CNTN1: variants seen among roughly 807,000 people sequenced by gnomAD.
The protein encoded by CNTN1 is contactin-1.
In CNTN1, 38 loss-of-function variants were observed where a neutral mutation model predicts 126.4. The observed-to-expected ratio is 0.30, with a 90% CI of 0.23 to 0.39. CNTN1 has a LOEUF of 0.39. Ranked by LOEUF, CNTN1 falls within the 10% of genes least tolerant of loss-of-function variation. The pLI, the probability that CNTN1 is intolerant of heterozygous loss-of-function variation, is 1.00. For missense variants in CNTN1, 1,009 were observed against 1,248.4 expected, an observed-to-expected ratio of 0.81 and a Z score of 2.89; for synonymous variants, 413 against 422.6, an observed-to-expected ratio of 0.98 and a Z score of 0.28.
intron 23 of CNTN1, among the ~76,000 whole-genome samples, chr12:41,034,952 G>T (rs1457314437): frequency 1.3e-5 from 2 of 152,182 alleles, no homozygotes; most frequent in African/African-American, 4.8e-5. Context: ...TCCAGCAGTT[G>T]TTGGACAACT....
intron 3 of CNTN1, among the ~76,000 whole-genome samples, chr12:40,916,054 C>T (rs573519415): frequency 3.9e-5 from 6 of 152,184 alleles, no homozygotes; most frequent in Admixed American, 2.0e-4. Flanking sequence ...TATCGAAGTA[C>T]TTAGAAGATC....
At chr12:41,055,483 A>G (rs1339688023) in intron 23 of CNTN1, among the ~76,000 whole-genome samples, 1 of 151,846 alleles carries the variant, frequency 6.6e-6, no homozygotes, top group Non-Finnish European at 1.5e-5. Flanking sequence ...CTCCCCTCAT[A>G]TCTTTGGCAT....
chr12:40,971,838 G>T, intron 15 of CNTN1: 1 of 1,129,682 alleles, frequency 8.9e-7, no homozygotes, highest in Middle Eastern at 4.0e-4. Flanking sequence ...TCTGAAAAAC[G>T]TATGAAGAAC....
chr12:40,740,497 A>T (rs1937893308), intron 1 of CNTN1, among the ~76,000 whole-genome samples: 1 of 152,158 alleles, frequency 6.6e-6, no homozygotes, highest in African/African-American at 2.4e-5. Context: ...TACATAAAAT[A>T]GTTTAATGCC....
At chr12:40,871,542 T>C (rs2136671335) in intron 1 of CNTN1, among the ~76,000 whole-genome samples, 1 of 152,242 alleles carries the variant, frequency 6.6e-6, no homozygotes, top group South Asian at 2.1e-4. Context: ...TGGATATCAA[T>C]GGAGAGAAGA....
At chr12:40,898,086 T>G (rs1944476270) in intron 1 of CNTN1, among the ~76,000 whole-genome samples, 1 of 152,198 alleles carries the variant, frequency 6.6e-6, no homozygotes, top group Admixed American at 6.5e-5. Context: ...GAACAATAAT[T>G]TGTTTTTAGT....
At chr12:40,945,265 AC>A (rs1430127631) in intron 14 of CNTN1, among the ~76,000 whole-genome samples, 1 of 152,104 alleles carries the variant, frequency 6.6e-6, no homozygotes, top group Admixed American at 6.6e-5. Context: ...TAGATCTGAA[AC>A]TATTTTGCAC....
chr12:40,744,350 G>T (rs1165734928), intron 1 of CNTN1, among the ~76,000 whole-genome samples: 2 of 151,924 alleles, frequency 1.3e-5, no homozygotes, highest in Non-Finnish European at 2.9e-5. Flanking sequence ...ATGAATGCAT[G>T]AAGGGAATGA....
chr12:40,725,653 A>G (rs1942333129), intron 1 of CNTN1, among the ~76,000 whole-genome samples: 1 of 152,126 alleles, frequency 6.6e-6, no homozygotes, highest in Non-Finnish European at 1.5e-5. Flanking sequence ...AATTTCAACA[A>G]GTGCCAATTA....
At chr12:40,978,496 A>G (rs1241766504) in intron 15 of CNTN1, among the ~76,000 whole-genome samples, 1 of 152,152 alleles carries the variant, frequency 6.6e-6, no homozygotes, top group Non-Finnish European at 1.5e-5. Context: ...GATGACAATT[A>G]TGTTTACAGA....
intron 1 of CNTN1, among the ~76,000 whole-genome samples, chr12:40,873,834 A>T (rs1447699166): frequency 6.6e-6 from 1 of 151,900 alleles, no homozygotes; most frequent in Non-Finnish European, 1.5e-5. Flanking sequence ...ATGGTTCCTC[A>T]TTGCCCCCAA....
At chr12:40,779,238 A>C (rs1284749357) in intron 1 of CNTN1, among the ~76,000 whole-genome samples, 2 of 151,816 alleles carry the variant, frequency 1.3e-5, no homozygotes, top group Admixed American at 1.3e-4. Context: ...ATTTACTCAG[A>C]ATATTCTTCA....
Position 40,937,635 on chromosome 12 carries a change from A to G in CNTN1, c.1176A>G (p.Ile392Met). ...AAAATGCCGGAATGTATCAGTGCAT[A>G]GCTGAAAACACATATGGAGCCATTT... is the stretch of plus-strand genomic sequence containing the variant. Reference protein sequence around the residue: ...TFENAGMYQCIAENTYGAIYA... With the variant: ...TFENAGMYQCMAENTYGAIYA... Residue 392 changes from isoleucine (I) to methionine (M), a missense_variant, in exon 11 of 24, where the codon ATA (isoleucine) becomes ATG (methionine). Coordinates refer to ENST00000551295, the MANE Select transcript of CNTN1 (RefSeq NM_001843.4). The G allele has an allele frequency of 6.2e-7, 1 of 1,613,260 alleles. No homozygotes were observed.
At chr12:40,764,645 G>T (rs10748154) in intron 1 of CNTN1, among the ~76,000 whole-genome samples, 105,154 of 152,078 alleles carry the variant, frequency 0.69, 37,481 homozygotes, top group East Asian at 0.83. Context: ...AAAAGCAATG[G>T]TCTGAGAAAA....
intron 1 of CNTN1, among the ~76,000 whole-genome samples, chr12:40,903,166 T>C (rs891182978): frequency 8.5e-5 from 13 of 152,076 alleles, no homozygotes; most frequent in Non-Finnish European, 1.6e-4. Context: ...CATGAGGTTG[T>C]GAGATGCAGC....
At chr12:41,008,998 G>A (rs960777712) in intron 17 of CNTN1, among the ~76,000 whole-genome samples, 12 of 152,214 alleles carry the variant, frequency 7.9e-5, no homozygotes, top group Non-Finnish European at 1.3e-4. Flanking sequence ...TGGAGTGAGA[G>A]ACACACTTTC....
At chr12:40,710,465 C>T (rs1421784827) in intron 1 of CNTN1, among the ~76,000 whole-genome samples, 1 of 152,026 alleles carries the variant, frequency 6.6e-6, no homozygotes, top group Admixed American at 6.6e-5. Context: ...AATTACCAAA[C>T]GATGACACAG....
intron 1 of CNTN1, among the ~76,000 whole-genome samples, chr12:40,894,725 T>G (rs1285080615): frequency 6.6e-6 from 1 of 152,096 alleles, no homozygotes; most frequent in East Asian, 1.9e-4. Context: ...TTCCCACAAG[T>G]GAAAATAGAT....
intron 1 of CNTN1, among the ~76,000 whole-genome samples, chr12:40,820,858 G>A (rs1222836222): frequency 6.6e-6 from 1 of 152,068 alleles, no homozygotes; most frequent in Non-Finnish European, 1.5e-5. Context: ...GATTATTCTG[G>A]GCATTTTGTT....
Sources: gnomAD v4.1 joint callset for allele counts (sites outside exome capture counted in the v4.1 genomes callset) on GRCh38, gnomAD v4.1.1 for gene constraint, MANE v1.5 for transcripts, NCBI Gene and HGNC (gene_info 2026-07-23, HGNC 2026-07-21) for gene names.